The following GALC variants were observed in gnomAD, a reference collection of about 807,000 sequenced individuals.
GALC encodes galactocerebrosidase.
Under a neutral mutation model 91.8 loss-of-function variants are expected in GALC, and 77 were observed. The observed-to-expected ratio is 0.84, with a 90% CI of 0.70 to 1.01. GALC has a LOEUF of 1.01. GALC is among the 50% of genes least tolerant of loss of function. GALC has a pLI of 0.00. For synonymous variants in GALC, 357 were observed against 306.7 expected, an observed-to-expected ratio of 1.16 and a Z score of -1.71; for missense variants, 882 against 855.9, an observed-to-expected ratio of 1.03 and a Z score of -0.38.
chr14:87,972,193 T>C (rs755085488), intron 7 of GALC, among the ~76,000 whole-genome samples: 14 of 152,140 alleles, frequency 9.2e-5, no homozygotes, highest in African/African-American at 1.7e-4. Flanking sequence ...CATCCAACAA[T>C]TGGATGCTAA....
intron 1 of GALC, among the ~76,000 whole-genome samples, chr14:87,991,492 G>A (rs537241267): frequency 6.6e-6 from 1 of 152,292 alleles, no homozygotes; most frequent in East Asian, 1.9e-4. Context: ...GTGAGCCACC[G>A]TGCCCGGCCC....
chr14:87,963,397 A>G lies in GALC; in HGVS notation c.1148T>C (p.Ile383Thr). Residue 383 changes from isoleucine (I) to threonine (T), a missense_variant, in exon 10 of 17, where the codon ATC (isoleucine) becomes ACC (threonine). Ile to Thr is a moderately conservative substitution (Grantham distance 89, BLOSUM62 -1). Coordinates refer to ENST00000261304, the MANE Select transcript of GALC (RefSeq NM_000153.4). Reference protein sequence around the residue: ...LTDGLGNLTIIIETMSHKHSK... With the variant: ...LTDGLGNLTITIETMSHKHSK... ...ACAAAAGTTTACCATGGTTTCAATG[A>G]TGATGGTGAGGTTCCCTAAGCCATC... The G allele has an allele frequency of 6.2e-7, 1 of 1,613,400 alleles. No individual in the cohort carries two copies. Among genetic ancestry groups the G allele is most frequent in the Non-Finnish European group, 8.5e-7 (1 of 1,179,394 alleles).
In GALC at chr14:87,993,073, A is replaced by G. The variant is rs1323657145; in HGVS notation, c.92T>C (p.Leu31Ser). The G allele has an allele frequency of 6.3e-7, 1 of 1,579,716 alleles. No individual in the cohort carries two copies. The highest frequency in any genetic ancestry group is 1.3e-5 in the African/African-American group (1 of 74,522). Reference protein sequence around the residue: ...AGSAGRAAVPLLLCALLAPGG... With the variant: ...AGSAGRAAVPSLLCALLAPGG... ...GGGCGCCAGCAGCGCACACAGCAGC[A>G]AGGGCACCGCGGCGCGGCCCGCCGA... The change falls in exon 1 of 17, where the codon TTG (leucine) becomes TCG (serine). Residue 31 changes from leucine to serine, a missense_variant. Physicochemically the swap from Leu to Ser is moderately radical, Grantham distance 145. Transcript: ENST00000261304.
intron 7 of GALC, among the ~76,000 whole-genome samples, chr14:87,976,011 A>G (rs1264190754): frequency 6.6e-6 from 1 of 152,210 alleles, no homozygotes; most frequent in Admixed American, 6.5e-5. Flanking sequence ...TTCCAACCAC[A>G]GAATATCTGA....
chr14:87,986,464 A>G lies in GALC; in HGVS notation c.442+25T>C, dbSNP rs772898498. 3.4e-5 allele frequency: 47 copies of G among 1,376,190 alleles called. No homozygotes were observed. In the South Asian group the frequency reaches 5.0e-4, roughly 15 times the overall value. 85.2% of individuals were successfully genotyped at this position (1,376,190 alleles called of 1,614,324 possible). On this transcript the variant is annotated intron_variant, in intron 4 of 16. Coordinates refer to ENST00000261304, the MANE Select transcript of GALC (RefSeq NM_000153.4). ...AAAGTTAAAGGAAAAGAGACTGAAG[A>G]AACATTGCAAACTTCATTTCTTACC...
chr14:87,947,562 A>G (rs1262717402), intron 13 of GALC, among the ~76,000 whole-genome samples, 166 bp downstream of exon 13: 1 of 152,074 alleles, frequency 6.6e-6, no homozygotes, highest in Non-Finnish European at 1.5e-5. Flanking sequence ...GATTTACCAT[A>G]AAGTAATGCA....
chr14:87,940,052 G>GATT, intron 15 of GALC, 71 bp from the exon 16 acceptor site: 3 of 1,248,632 alleles, frequency 2.4e-6, no homozygotes, highest in Non-Finnish European at 3.5e-6. Flanking sequence ...ATAATTCAGT[G>GATT]GGGTTCTTGA....
chr14:87,944,046 A>G (rs1884969761), intron 14 of GALC, among the ~76,000 whole-genome samples: 1 of 151,926 alleles, frequency 6.6e-6, no homozygotes, highest in Admixed American at 6.6e-5. Context: ...CTTTCCTTTC[A>G]GAATATGTCA....
Position 87,965,549 on chromosome 14 carries a change from G to A in GALC, c.989C>T (p.Pro330Leu), listed in dbSNP as rs1227778798. ...GRCGLMTAQE[P>L]WSGHYVVESP... ...TTCTACCACGTAGTGCCCACTCCAT[G>A]GCTCCTGGGCCGTCATCAACCCGCA... Residue 330 changes from proline (P) to leucine (L), a missense_variant, in exon 9 of 17, where the codon CCA (proline) becomes CTA (leucine). Physicochemically the swap from Pro to Leu is moderately conservative, Grantham distance 98 (BLOSUM62 -3). Coordinates refer to ENST00000261304, the MANE Select transcript of GALC (RefSeq NM_000153.4). 1 of 1,613,356 alleles carries A rather than the reference G, an allele frequency of 6.2e-7. No individual in the cohort carries two copies. The highest frequency in any genetic ancestry group is 2.2e-5 in the East Asian group (1 of 44,858).
Position 87,936,908 on chromosome 14 carries a change from ATATATTTATT to A in GALC, c.1912-2040_1912-2031del, listed in dbSNP as rs1357217337. On this transcript the variant is annotated intron_variant, in intron 16 of 16. Transcript: ENST00000261304. ...CACATATCAGGTACTATATATATAT[ATATATTTATT>A]TATTTTCTCATTGAATCTTCATAAG... is the stretch of plus-strand genomic sequence containing the variant. Among the ~76,000 whole-genome samples, 68 of 138,836 alleles carry A rather than the reference ATATATTTATT, an allele frequency of 4.9e-4. 4 individuals carry two copies. Among genetic ancestry groups the A allele is most frequent in the African/African-American group, 1.5e-3 (53 of 36,370 alleles). The allele number at this position is 138,836 out of a possible 152,430, so 91.1% of individuals were successfully genotyped here.
intron 16 of GALC, among the ~76,000 whole-genome samples, chr14:87,937,991 T>C (rs1333968647): frequency 6.6e-6 from 1 of 152,004 alleles, no homozygotes; most frequent in African/African-American, 2.4e-5. Context: ...CAGCACCATT[T>C]TTCAAGTAAC....
intron 7 of GALC, among the ~76,000 whole-genome samples, chr14:87,970,472 T>C (rs935971456): frequency 6.6e-5 from 10 of 152,092 alleles, no homozygotes; most frequent in Non-Finnish European, 1.3e-4. Flanking sequence ...GATGAAACTG[T>C]TACCACATTC....
chr14:87,985,812 C>G (rs928401229), intron 4 of GALC, among the ~76,000 whole-genome samples: 4 of 152,328 alleles, frequency 2.6e-5, no homozygotes, highest in African/African-American at 9.6e-5. Context: ...GCTCTGTACA[C>G]ATTCTCACAG....
rs915971560 is a variant in GALC, at chr14:87,984,294, G to T, written c.582+100C>A. On this transcript the variant is annotated intron_variant, in intron 5 of 16. Transcript: ENST00000261304. ...CACCATTAGAACAAATTAGCCTCAT[G>T]GCATAAAATGGTTAGTCAAAAAGTA... The T allele has an allele frequency of 6.0e-5, 69 of 1,148,670 alleles. 2 individuals carry two copies. The highest frequency in any genetic ancestry group is 7.9e-5 in the Non-Finnish European group (63 of 802,014). The allele number at this position is 1,148,670 out of a possible 1,614,324, so 71.2% of individuals were successfully genotyped here.
At chr14:87,990,458 T>C (rs946555370) in intron 1 of GALC, among the ~76,000 whole-genome samples, 8 of 152,194 alleles carry the variant, frequency 5.3e-5, no homozygotes, top group African/African-American at 1.9e-4. Flanking sequence ...ACATAGTAAG[T>C]TCTCAATAAA....
intron 10 of GALC, among the ~76,000 whole-genome samples, chr14:87,951,693 A>G (rs1029679402): frequency 6.6e-6 from 1 of 151,992 alleles, no homozygotes; most frequent in African/African-American, 2.4e-5. Context: ...AACCTTCTGG[A>G]AAAGTCAAAA....
chr14:87,993,249 A>C (rs886050870), upstream of GALC: 10 of 1,541,920 alleles, frequency 6.5e-6, no homozygotes, highest in Non-Finnish European at 8.7e-6. Context: ...GCTGATGCTG[A>C]CGCCGCCGCC....
At chr14:87,939,607 C>T (rs1246376839) in intron 16 of GALC, among the ~76,000 whole-genome samples, 1 of 151,716 alleles carries the variant, frequency 6.6e-6, no homozygotes, top group East Asian at 1.9e-4. Flanking sequence ...TTGGTTCAAG[C>T]AAACTTGAAA....
intron 6 of GALC, chr14:87,980,558 G>C: frequency 1.2e-6 from 1 of 867,506 alleles, no homozygotes; most frequent in Non-Finnish European, 1.4e-6. Context: ...GCAAAGTGGA[G>C]AGTTCCTATC....
Sources: allele counts gnomAD v4.1 joint callset (sites outside exome capture counted in the v4.1 genomes callset), GRCh38; gene constraint gnomAD v4.1.1; transcripts MANE v1.5; gene names NCBI Gene and HGNC (gene_info 2026-07-23, HGNC 2026-07-21).